Variants in SOS2 observed in about 807,000 individuals in gnomAD.
SOS2 encodes SOS Ras/Rho guanine nucleotide exchange factor 2, also known as son of sevenless homolog 2.
A neutral mutation model predicts 148.2 loss-of-function variants in SOS2; 65 were observed. The ratio of observed to expected loss-of-function variants is 0.44; its 90% CI spans 0.36 to 0.54. The LOEUF is 0.54. Ranked by LOEUF, SOS2 falls within the 20% of genes least tolerant of loss-of-function variation. The pLI is 0.00. For synonymous variants in SOS2, 539 were observed against 537.1 expected, an observed-to-expected ratio of 1.00 and a Z score of -0.05; for missense variants, 1,341 against 1,590.2, an observed-to-expected ratio of 0.84 and a Z score of 2.67.
chr14:50,179,684 TAGA>T (rs1216866311), intron 7 of SOS2, among the ~76,000 whole-genome samples: 1 of 152,204 alleles, frequency 6.6e-6, no homozygotes, highest in Non-Finnish European at 1.5e-5. Flanking sequence ...AGTTTAGATG[TAGA>T]AGTTTTACAT....
At chr14:50,122,391 C>CT (rs71118839) in intron 21 of SOS2, among the ~76,000 whole-genome samples, 28,098 of 87,430 alleles carry the variant, frequency 0.32, 6,089 homozygotes, top group Non-Finnish European at 0.4. Context: ...GAACCCTGGG[C>CT]TTTTTTTTTT....
intron 8 of SOS2, among the ~76,000 whole-genome samples, chr14:50,166,006 C>T (rs991287733): frequency 3.9e-5 from 6 of 152,120 alleles, no homozygotes; most frequent in African/African-American, 7.2e-5. Context: ...TCTACCATGA[C>T]ACCAGACACA....
At chr14:50,120,454 C>T in intron 21 of SOS2, 70 bp from the exon 22 acceptor site, 1 of 741,972 alleles carries the variant, frequency 1.3e-6, no homozygotes, top group Non-Finnish European at 2.3e-6. Context: ...AATTTGTGAT[C>T]GATACTTCTA....
At chr14:50,209,760 A>AC (rs2139815412) in intron 1 of SOS2, among the ~76,000 whole-genome samples, 1 of 151,724 alleles carries the variant, frequency 6.6e-6, no homozygotes, top group Non-Finnish European at 1.5e-5. Context: ...TGTCTCAAAA[A>AC]AAAAAAAATT....
chr14:50,164,780 T>C (rs1009722636), intron 8 of SOS2, among the ~76,000 whole-genome samples: 2 of 152,238 alleles, frequency 1.3e-5, no homozygotes, highest in Admixed American at 6.5e-5. Context: ...TAGGATACAG[T>C]TGAAATGCTT....
At chr14:50,187,936 G>C (rs1419895053) in intron 5 of SOS2, among the ~76,000 whole-genome samples, 2 of 152,100 alleles carry the variant, frequency 1.3e-5, no homozygotes, top group East Asian at 3.9e-4. Context: ...CCAAATGAAT[G>C]ACTCTAAATA....
intron 12 of SOS2, chr14:50,156,627 G>A (rs17122197): frequency 0.024 from 3,649 of 152,980 alleles, 158 homozygotes; most frequent in African/African-American, 0.082. Context: ...TGATCGCAAA[G>A]GGAAATGAAG....
At chr14:50,157,577 C>A (rs183214644) in intron 11 of SOS2, among the ~76,000 whole-genome samples, 26 of 152,158 alleles carry the variant, frequency 1.7e-4, no homozygotes, top group African/African-American at 5.8e-4. Flanking sequence ...AAAAACCTTG[C>A]TCAAACATAG....
At chr14:50,228,001 T>C (rs991723244) in intron 1 of SOS2, among the ~76,000 whole-genome samples, 3 of 152,026 alleles carry the variant, frequency 2.0e-5, no homozygotes, top group Admixed American at 1.3e-4. Flanking sequence ...TACACATCTA[T>C]AAGATTAAGT....
At chr14:50,196,295 A>T (rs942657412) in intron 4 of SOS2, among the ~76,000 whole-genome samples, 2 of 152,150 alleles carry the variant, frequency 1.3e-5, no homozygotes, top group African/African-American at 4.8e-5. Context: ...TCAATTTTTA[A>T]AAGAAATTTT....
intron 8 of SOS2, among the ~76,000 whole-genome samples, chr14:50,168,357 G>A (rs780800271): frequency 4.6e-5 from 7 of 152,110 alleles, no homozygotes; most frequent in Non-Finnish European, 8.8e-5. Context: ...AAGTAGCTGT[G>A]ACTACTGGCA....
chr14:50,121,957 T>C (rs989098169), intron 21 of SOS2, among the ~76,000 whole-genome samples: 18 of 152,186 alleles, frequency 1.2e-4, no homozygotes, highest in African/African-American at 4.1e-4. Flanking sequence ...AGGCAAGGAA[T>C]AGGCATGGGA....
chr14:50,159,831 T>C lies in SOS2; in HGVS notation c.1452A>G (p.Ala484=), dbSNP rs1376834063. ...CAAATTTTTCTTTTAACCTGTATTCTGCACTACTGTAACCTGGAAGCCGAG... is the reference window on the plus strand; with the variant it reads ...CAAATTTTTCTTTTAACCTGTATTCCGCACTACTGTAACCTGGAAGCCGAG... ...GQTRLPGYSS[A]EYRLKEKFVM... is the part of the protein sequence containing the mutation. The change falls in exon 10 of 23, where the codon GCA becomes GCG. Residue 484 remains alanine, a synonymous_variant. Coordinates refer to ENST00000216373, the MANE Select transcript of SOS2 (RefSeq NM_006939.4). 1 of 1,614,056 alleles carries C rather than the reference T, an allele frequency of 6.2e-7. No homozygotes were observed. Among genetic ancestry groups the C allele is most frequent in the Non-Finnish European group, 8.5e-7 (1 of 1,180,034 alleles).
intron 17 of SOS2, among the ~76,000 whole-genome samples, chr14:50,139,383 T>C (rs1397941156): frequency 2.6e-5 from 4 of 152,142 alleles, no homozygotes; most frequent in Admixed American, 1.3e-4. Flanking sequence ...TTTAGGAATG[T>C]CTAGAGACAT....
At position 50,118,057 on chromosome 14, in the gene SOS2, T is replaced by C. The variant is rs1467375190; in HGVS notation, c.*287A>G. On this transcript the variant is annotated 3_prime_UTR_variant, in exon 23 of 23. Transcript: ENST00000216373. ...CCTTTTCAGTGCAATCATGTCACTT[T>C]AAACCATATTTTTGCAGAGTTTACA... The C allele has an allele frequency of 3.2e-6, 1 of 313,222 alleles. No homozygotes were observed. The highest frequency in any genetic ancestry group is 6.1e-5 in the East Asian group (1 of 16,482). 19.4% of individuals were successfully genotyped at this position (313,222 alleles called of 1,614,324 possible). A position where few individuals can be genotyped will look rare whatever the true frequency, so the allele number is the denominator to read the frequency against.
Position 50,180,560 on chromosome 14 carries a change from A to AT in SOS2, c.969+11dup. On this transcript the variant is annotated intron_variant, in intron 7 of 22. Transcript: ENST00000216373. ...AAAAAAAAAAAAAAAAAAACCTTCAATTTAAGTTTACCTGAAAGTGTAGAG... is the reference window on the plus strand; with the variant it reads ...AAAAAAAAAAAAAAAAAAACCTTCAATTTTAAGTTTACCTGAAAGTGTAGAG... 1 of 1,156,564 alleles carries AT rather than the reference A, an allele frequency of 8.6e-7. No individual in the cohort carries two copies. Among genetic ancestry groups the AT allele is most frequent in the Non-Finnish European group, 1.2e-6 (1 of 814,548 alleles). The allele number at this position is 1,156,564 out of a possible 1,614,324, so 71.6% of individuals were successfully genotyped here.
chr14:50,188,465 A>G (rs1885999399), intron 5 of SOS2, 32 bp downstream of exon 5: 1 of 1,399,124 alleles, frequency 7.1e-7, no homozygotes, highest in Admixed American at 1.9e-5. Context: ...TTTTTGGGGT[A>G]CACAGAATTT....
chr14:50,127,358 T>G (rs886902940), intron 21 of SOS2, among the ~76,000 whole-genome samples: 3 of 152,172 alleles, frequency 2.0e-5, no homozygotes, highest in Non-Finnish European at 2.9e-5. Flanking sequence ...GTCAGTCTGG[T>G]CTCAAACTCC....
At chr14:50,158,542 A>T in intron 11 of SOS2, 23 bp downstream of exon 11, 1 of 1,427,772 alleles carries the variant, frequency 7.0e-7, no homozygotes, top group Non-Finnish European at 9.8e-7. Context: ...TGTCAATATA[A>T]CTGAAATACA....
Sources: allele counts gnomAD v4.1 joint callset (sites outside exome capture counted in the v4.1 genomes callset), GRCh38; gene constraint gnomAD v4.1.1; transcripts MANE v1.5; gene names NCBI Gene and HGNC (gene_info 2026-07-23, HGNC 2026-07-21).